The following PCDHGB4 variants were observed in gnomAD, a reference collection of about 807,000 sequenced individuals.
PCDHGB4 encodes the protein protocadherin gamma subfamily B, 4, also known as protocadherin gamma-B4.
A neutral mutation model predicts 60.5 loss-of-function variants in PCDHGB4; 38 were observed. That is an observed-to-expected ratio of 0.63 (90% CI 0.48 to 0.82). PCDHGB4 has a LOEUF of 0.82. Ranked by LOEUF, PCDHGB4 falls within the 40% of genes least tolerant of loss-of-function variation. The pLI, the probability that PCDHGB4 is intolerant of heterozygous loss-of-function variation, is 0.00. For missense variants in PCDHGB4, 1,109 were observed against 1,209.6 expected (o/e 0.92, Z 1.23); for synonymous variants, 456 against 509.7 (o/e 0.89, Z 1.42).
At chr5:141,421,846 G>A (rs1187020807) in intron 1 of PCDHGB4, 2 of 1,613,642 alleles carry the variant, frequency 1.2e-6, no homozygotes, top group East Asian at 4.5e-5. Context: ...AGAGAAAGAG[G>A]CTGCTCACCT....
intron 1 of PCDHGB4, among the ~76,000 whole-genome samples, chr5:141,451,298 C>T (rs1221562397): frequency 6.6e-6 from 1 of 152,206 alleles, no homozygotes; most frequent in African/African-American, 2.4e-5. Context: ...CAAAGTCTTA[C>T]AAGGCAGCAA....
rs1386460009 is a variant in PCDHGB4 at position 141,390,018 on chromosome 5, C to T, written c.2134C>T (p.Arg712Cys). The change falls in exon 1 of 4, where the codon CGC becomes TGC. Residue 712 changes from arginine (R) to cysteine (C), a missense_variant. Arg to Cys is a radical substitution (Grantham distance 180). This residue lies in a region of PCDHGB4 where 1,068 missense variants were observed against 1,089.9 expected (regional missense o/e 0.98). Transcript: ENST00000519479. ...LVAMILAIAL[R>C]LRRSSSPASW... ...GGCCATGATTCTGGCCATTGCCTTG[C>T]GCCTGCGACGCTCCTCCAGCCCCGC... is the stretch of plus-strand genomic sequence containing the variant. The T allele has an allele frequency of 6.2e-7, 1 of 1,614,062 alleles. No individual in the cohort carries two copies. Among genetic ancestry groups the T allele is most frequent in the South Asian group, 1.1e-5 (1 of 91,078 alleles).
chr5:141,492,398 C>T (rs1347317333), intron 1 of PCDHGB4, among the ~76,000 whole-genome samples: 2 of 152,244 alleles, frequency 1.3e-5, no homozygotes, highest in Non-Finnish European at 1.5e-5. Flanking sequence ...CCACTCGCAG[C>T]TCCCCTCTGC....
rs138031063 is a variant in PCDHGB4 at position 141,447,985 on chromosome 5, C to T, written c.2398-46822C>T. Among the ~76,000 whole-genome samples the T allele has an allele frequency of 3.9e-3, 591 of 152,010 alleles. 6 individuals are homozygous for T. The highest frequency in any genetic ancestry group is 0.011 in the Admixed American group (170 of 15,260). On this transcript the variant is annotated intron_variant, in intron 1 of 3. Transcript: ENST00000519479. ...CCTATAATCCCAGCTACTCGGGAGG[C>T]TGAGGCATGAGAATCGCTTGAACCC...
At chr5:141,423,444 A>C (rs1340932902) in intron 1 of PCDHGB4, 1 of 1,614,050 alleles carries the variant, frequency 6.2e-7, no homozygotes. Flanking sequence ...TGCCCACGTC[A>C]CATTTTGTAG....
chr5:141,416,006 G>A, intron 1 of PCDHGB4: 1 of 253,216 alleles, frequency 3.9e-6, no homozygotes, highest in Non-Finnish European at 7.3e-6. Context: ...GGTCTGGTAA[G>A]AATAGGTAAG....
At chr5:141,404,865 T>C (rs1308625182) in intron 1 of PCDHGB4, 12 of 1,613,552 alleles carry the variant, frequency 7.4e-6, no homozygotes, top group Non-Finnish European at 1.0e-5. Flanking sequence ...AGAGATGCGC[T>C]CAAACAGAGC....
Position 141,487,830 on chromosome 5 carries a change from T to C in PCDHGB4, c.2398-6977T>C, listed in dbSNP as rs1410090651. On this transcript the variant is annotated intron_variant, in intron 1 of 3. Transcript: ENST00000519479. This position sits in a 1 kb window ranked among gnomAD's most constrained non-coding sequence, Gnocchi z 5.0. ...TTTAGCATTGGGGGCGGGTCATGCC[T>C]ATATCTGAGTAAGAAATGAAAGTAA... The C allele has an allele frequency of 3.5e-6, 4 of 1,139,942 alleles. No homozygotes were observed. The highest frequency in any genetic ancestry group is 1.6e-5 in the African/African-American group (1 of 63,734). The allele number at this position is 1,139,942 out of a possible 1,614,324, so 70.6% of individuals were successfully genotyped here.
intron 1 of PCDHGB4, chr5:141,404,445 G>GT: frequency 6.2e-7 from 1 of 1,613,280 alleles, no homozygotes; most frequent in Non-Finnish European, 8.5e-7. Context: ...ACCATCCAAG[G>GT]GTCTCCTCTC....
chr5:141,391,030 G>A (rs2092291091), intron 1 of PCDHGB4: 1 of 152,184 alleles, frequency 6.6e-6, no homozygotes, highest in Non-Finnish European at 1.5e-5. Flanking sequence ...AAAAGACAAT[G>A]TTTTGTGTCT....
intron 2 of PCDHGB4, among the ~76,000 whole-genome samples, chr5:141,500,001 A>G (rs961582279): frequency 6.6e-5 from 10 of 151,914 alleles, no homozygotes; most frequent in African/African-American, 2.4e-4. Context: ...TGATTCTTTC[A>G]TAAGGTCCAC....
chr5:141,487,033 A>T lies in PCDHGB4; in HGVS notation c.2398-7774A>T, dbSNP rs1465525110. ...AGGCCCCAGATCCCAGCCTGTTTGC[A>T]GTCTCTCGATATGCTGGGGAGGTGC... On this transcript the variant is annotated intron_variant, in intron 1 of 3. Coordinates refer to ENST00000519479, the MANE Select transcript of PCDHGB4 (RefSeq NM_003736.4). This position sits in a 1 kb window ranked among gnomAD's most constrained non-coding sequence, Gnocchi z 5.0. The T allele has an allele frequency of 6.2e-7, 1 of 1,614,042 alleles. No homozygotes were observed. The highest frequency in any genetic ancestry group is 8.5e-7 in the Non-Finnish European group (1 of 1,180,040).
chr5:141,439,368 A>C (rs1346879772), intron 1 of PCDHGB4, among the ~76,000 whole-genome samples: 1 of 152,192 alleles, frequency 6.6e-6, no homozygotes, highest in East Asian at 1.9e-4. Flanking sequence ...CATCAAGAAG[A>C]AATAAAAATA....
At chr5:141,390,526 T>A (rs1405081511) in intron 1 of PCDHGB4, 1 of 548,156 alleles carries the variant, frequency 1.8e-6, no homozygotes, top group African/African-American at 1.9e-5. Flanking sequence ...AATGAGGGTG[T>A]GGTTTTAACC....
intron 1 of PCDHGB4, among the ~76,000 whole-genome samples, chr5:141,463,618 T>G (rs2099065558): frequency 6.6e-6 from 1 of 151,792 alleles, no homozygotes; most frequent in African/African-American, 2.4e-5. Context: ...CCGGCTAATT[T>G]TTTGTATTTT....
At chr5:141,399,822 C>G (rs755182775) in intron 1 of PCDHGB4, 6 of 1,613,084 alleles carry the variant, frequency 3.7e-6, no homozygotes, top group East Asian at 2.2e-5. Context: ...CGCTGGGTCC[C>G]GACGGCTCTG....
rs2099750805 is a variant in PCDHGB4, at chr5:141,493,915, T to C, written c.2398-892T>C. ...TGCTCCATGAGAGTGTGTGATGGGA[T>C]AACACACCCCCTGGAAAGACCAGAA... On this transcript the variant is annotated intron_variant, in intron 1 of 3. Transcript: ENST00000519479. This position sits in a 1 kb window ranked among gnomAD's most constrained non-coding sequence, Gnocchi z 4.3. Among the ~76,000 whole-genome samples, 1 of 152,024 alleles carries C rather than the reference T, an allele frequency of 6.6e-6. No homozygotes were observed. Among genetic ancestry groups the C allele is most frequent in the African/African-American group, 2.4e-5 (1 of 41,386 alleles).
At chr5:141,393,167 G>A (rs889451396) in intron 1 of PCDHGB4, 9 of 1,613,166 alleles carry the variant, frequency 5.6e-6, no homozygotes, top group Non-Finnish European at 7.6e-6. Flanking sequence ...AACTCTTTGG[G>A]GTAGAAATAG....
chr5:141,404,984 C>A (rs779919758), intron 1 of PCDHGB4: 1 of 1,614,034 alleles, frequency 6.2e-7, no homozygotes, highest in Middle Eastern at 1.6e-4. Flanking sequence ...CCTGGGCAGT[C>A]TTCAGATCCC....
Sources: allele counts gnomAD v4.1 joint callset (sites outside exome capture counted in the v4.1 genomes callset), GRCh38; gene constraint gnomAD v4.1.1; regional missense constraint gnomAD v4.1.1; non-coding constraint Gnocchi (gnomAD v3.1); transcripts MANE v1.5; gene names NCBI Gene and HGNC (gene_info 2026-07-23, HGNC 2026-07-21).